The following ANKRD27 variants were observed in gnomAD, a reference collection of about 807,000 sequenced individuals.
ANKRD27 encodes ankyrin repeat domain-containing protein 27.
Under a neutral mutation model 129.7 loss-of-function variants are expected in ANKRD27, and 112 were observed. The observed-to-expected ratio is 0.86, with a 90% CI of 0.74 to 1.01. ANKRD27 has a LOEUF of 1.01. ANKRD27 is among the 50% of genes least tolerant of loss of function. The probability of loss-of-function intolerance (pLI) is 0.00; values close to 1 mark genes in which losing one functional copy is unlikely to be tolerated. For missense variants in ANKRD27, 1,258 were observed against 1,300.5 expected, an observed-to-expected ratio of 0.97 and a Z score of 0.50; for synonymous variants, 516 against 511.2, an observed-to-expected ratio of 1.01 and a Z score of -0.13.
At position 32,656,263 on chromosome 19, in the gene ANKRD27, A is replaced by G. The variant is rs561539100; in HGVS notation, c.102+2651T>C. 2.6e-5 allele frequency among the ~76,000 whole-genome samples: 4 copies of G among 152,338 alleles called. No homozygotes were observed. The South Asian group carries it at 8.3e-4, about 32-fold the overall frequency. On this transcript the variant is annotated intron_variant, in intron 2 of 28. Transcript: ENST00000306065. Reference sequence around the variant, plus strand: ...GTGTGACAGTTCTAAAAAGCTGGATAAAGATATATATGAAAATATGCACTT... The same window carrying G: ...GTGTGACAGTTCTAAAAAGCTGGATGAAGATATATATGAAAATATGCACTT...
intron 22 of ANKRD27, among the ~76,000 whole-genome samples, chr19:32,612,689 G>A (rs140815173): frequency 2.1e-4 from 32 of 152,280 alleles, no homozygotes; most frequent in Non-Finnish European, 4.1e-4. Context: ...GGCAAGTCAC[G>A]GGAGGAAGGA....
intron 28 of ANKRD27, 34 bp downstream of exon 28, chr19:32,599,670 A>T: frequency 1.3e-6 from 2 of 1,584,222 alleles, no homozygotes; most frequent in South Asian, 2.3e-5. Flanking sequence ...GGGCTTTAGA[A>T]AATATGATTA....
intron 11 of ANKRD27, 150 bp from the exon 12 acceptor site, chr19:32,639,638 A>C: frequency 1.3e-6 from 1 of 775,426 alleles, no homozygotes; most frequent in Admixed American, 2.4e-5. Context: ...CTCTCTGCAG[A>C]GTGTGTGCGA....
At chr19:32,673,697 C>A (rs931748694) in intron 1 of ANKRD27, among the ~76,000 whole-genome samples, 24 of 152,314 alleles carry the variant, frequency 1.6e-4, no homozygotes, top group Non-Finnish European at 3.5e-4. Flanking sequence ...ATGGTCAAGG[C>A]CAGGAGTACC....
chr19:32,631,180 G>C (rs1236371701), intron 13 of ANKRD27, among the ~76,000 whole-genome samples: 3 of 152,018 alleles, frequency 2.0e-5, no homozygotes, highest in African/African-American at 7.2e-5. Flanking sequence ...ACCACACCCA[G>C]CTAATTTTTG....
At position 32,615,697 on chromosome 19, in the gene ANKRD27, G is replaced by A. The variant is rs1457439053; in HGVS notation, c.2136C>T (p.His712=). The change falls in exon 22 of 29, where the codon CAC becomes CAT. Residue 712 remains histidine (H), a synonymous_variant. Transcript: ENST00000306065. ...TVSAADPEFC[H]PLCQCPKCAP... ...CACACTTGGGGCACTGGCACAACGG[G>A]TGACAGAATTCGGGGTCCGCTGCAC... 1.9e-6 allele frequency: 3 copies of A among 1,614,214 alleles called. No individual in the cohort carries two copies. Among genetic ancestry groups the A allele is most frequent in the East Asian group, 4.5e-5 (2 of 44,886 alleles).
chr19:32,659,558 AG>A (rs1177446047), intron 1 of ANKRD27, among the ~76,000 whole-genome samples: 1 of 152,148 alleles, frequency 6.6e-6, no homozygotes, highest in East Asian at 1.9e-4. Flanking sequence ...TTAAACTCCA[AG>A]TCTTGGCTAA....
At chr19:32,639,595 C>T (rs62124310) in intron 11 of ANKRD27, 107 bp from the exon 12 acceptor site, 91,322 of 1,225,866 alleles carry the variant, frequency 0.074, 5,318 homozygotes, top group African/African-American at 0.28. Context: ...TCAGTTGGTT[C>T]GCTCAGGAAG....
rs530586800 is a variant in ANKRD27, at chr19:32,675,180, T to C, written c.-140A>G. On this transcript the variant is annotated 5_prime_UTR_variant, in exon 1 of 29. Coordinates refer to ENST00000306065, the MANE Select transcript of ANKRD27 (RefSeq NM_032139.3). ...CCACCCTCGCGCGGCGATCTGGCCC[T>C]ATAGCCCACCCCTTACTCCGCCGTG... 4.6e-5 allele frequency: 7 copies of C among 152,438 alleles called. 1 individual carries two copies. Among genetic ancestry groups the C allele is most frequent in the Admixed American group, 1.3e-4 (2 of 15,302 alleles). The allele number at this position is 152,438 out of a possible 1,614,324, so 9.4% of individuals were successfully genotyped here.
chr19:32,630,606 G>A (rs1966976219), intron 13 of ANKRD27, among the ~76,000 whole-genome samples: 1 of 152,194 alleles, frequency 6.6e-6, no homozygotes, highest in Admixed American at 6.5e-5. Context: ...ACAGTGTGCC[G>A]CCCAGCACAG....
At chr19:32,606,970 A>G (rs1181718497) in intron 23 of ANKRD27, among the ~76,000 whole-genome samples, 2 of 144,884 alleles carry the variant, frequency 1.4e-5, no homozygotes, top group African/African-American at 5.3e-5. Context: ...AAAAAAAAAA[A>G]AAAAGAAAAA....
chr19:32,670,889 G>C (rs1967856672), intron 1 of ANKRD27, among the ~76,000 whole-genome samples: 1 of 151,290 alleles, frequency 6.6e-6, no homozygotes, highest in Non-Finnish European at 1.5e-5. Flanking sequence ...GGGAGGCTGA[G>C]GCAGAAGAAT....
intron 2 of ANKRD27, among the ~76,000 whole-genome samples, chr19:32,656,916 T>C (rs1329372590): frequency 6.6e-6 from 1 of 152,216 alleles, no homozygotes; most frequent in East Asian, 1.9e-4. Flanking sequence ...TGAATGTCTT[T>C]GGTGAATTTT....
At chr19:32,639,172 C>A in intron 12 of ANKRD27, 184 bp downstream of exon 12, 1 of 636,520 alleles carries the variant, frequency 1.6e-6, no homozygotes, top group East Asian at 2.8e-5. Flanking sequence ...CAATTTTTAC[C>A]ACCAATTGAG....
At chr19:32,628,418 C>T (rs999912660) in intron 14 of ANKRD27, among the ~76,000 whole-genome samples, 3 of 152,178 alleles carry the variant, frequency 2.0e-5, no homozygotes, top group Non-Finnish European at 2.9e-5. Flanking sequence ...TAATGGGAAA[C>T]CAAAAATGTT....
Position 32,598,263 on chromosome 19 carries a change from C to G in ANKRD27, c.3035G>C (p.Gly1012Ala), listed in dbSNP as rs1971599645. ...CCGCAGCATCCGTCTGTGTCCAGGGCCAGTCTGTGTCAGTCCAGGCCTCTC... is the reference window on the plus strand; with the variant it reads ...CCGCAGCATCCGTCTGTGTCCAGGGGCAGTCTGTGTCAGTCCAGGCCTCTC... The part of the protein sequence containing the change: ...WPERPGLTQT[G>A]PGHRRMLRRH... The change falls in exon 29 of 29, where the codon GGC (glycine) becomes GCC (alanine). Residue 1012 changes from glycine to alanine, a missense_variant. By Grantham distance (60) the Gly-to-Ala change is moderately conservative. Transcript: ENST00000306065. The G allele has an allele frequency of 1.2e-6, 2 of 1,614,170 alleles. No homozygotes were observed. The highest frequency in any genetic ancestry group is 1.7e-6 in the Non-Finnish European group (2 of 1,180,026).
At chr19:32,632,215 G>C (rs1165387458) in intron 12 of ANKRD27, among the ~76,000 whole-genome samples, 1 of 152,052 alleles carries the variant, frequency 6.6e-6, no homozygotes, top group Non-Finnish European at 1.5e-5. Flanking sequence ...CTTAAACCTG[G>C]GAGGCAGAGG....
In ANKRD27 at chr19:32,610,987, T is replaced by TTAAAATAAAA. The variant is rs72333215; in HGVS notation, c.2176-3165_2176-3156dup. On this transcript the variant is annotated intron_variant, in intron 22 of 28. Coordinates refer to ENST00000306065, the MANE Select transcript of ANKRD27 (RefSeq NM_032139.3). ...CAGAGTGAAACCCCATCTCTAAAAA[T>TTAAAATAAAA]TAAAATAAAATAAAATAAAATAAAA... Among the ~76,000 whole-genome samples the TTAAAATAAAA allele has an allele frequency of 1.1e-4, 17 of 150,282 alleles. 1 individual carries two copies. Among genetic ancestry groups the TTAAAATAAAA allele is most frequent in the African/African-American group, 4.2e-4 (17 of 40,810 alleles).
chr19:32,599,907 C>T (rs1971625567), intron 27 of ANKRD27, 65 bp downstream of exon 27: 1 of 1,528,188 alleles, frequency 6.5e-7, no homozygotes, highest in Non-Finnish European at 9.0e-7. Flanking sequence ...ATTGAAGCAG[C>T]TTACGTGCAG....
Sources: allele counts gnomAD v4.1 joint callset (sites outside exome capture counted in the v4.1 genomes callset), GRCh38; gene constraint gnomAD v4.1.1; transcripts MANE v1.5; gene names NCBI Gene and HGNC (gene_info 2026-07-23, HGNC 2026-07-21).